Variants in CTPS2 observed in about 807,000 individuals in gnomAD.
The protein encoded by CTPS2 is CTP synthase II.
Under a neutral mutation model 46.8 loss-of-function variants are expected in CTPS2, and 19 were observed. The observed-to-expected ratio is 0.41, with a 90% CI of 0.28 to 0.60. The LOEUF is 0.60. CTPS2 is among the 20% of genes least tolerant of loss of function. The pLI, the probability that CTPS2 is intolerant of heterozygous loss-of-function variation, is 0.35. For missense variants in CTPS2, 286 were observed against 447.6 expected (o/e 0.64, Z 3.26); for synonymous variants, 151 against 165.2 (o/e 0.91, Z 0.66).
chrX:16,667,489 C>T (rs371361303), intron 13 of CTPS2, 25 bp downstream of exon 13: 5 of 1,206,155 alleles, frequency 4.1e-6, no homozygotes, highest in Non-Finnish European at 3.4e-6. Context: ...ATGACTGGAC[C>T]CAGAAAGATA....
intron 13 of CTPS2, among the ~76,000 whole-genome samples, chrX:16,648,384 A>T (rs1467814544): frequency 8.9e-6 from 1 of 111,837 alleles, no homozygotes; most frequent in Non-Finnish European, 1.9e-5. Flanking sequence ...AGAGAAAGCA[A>T]ATGTGGAGAT....
At chrX:16,658,957 T>A (rs904206211) in intron 13 of CTPS2, among the ~76,000 whole-genome samples, 1 of 112,408 alleles carries the variant, frequency 8.9e-6, no homozygotes, top group African/African-American at 3.2e-5. Flanking sequence ...TGTGTTAATT[T>A]AATTCCCAGG....
Position 16,639,131 on chromosome X carries a change from A to C in CTPS2, c.1393+16T>G, listed in dbSNP as rs753067585. The C allele has an allele frequency of 2.6e-6, 3 of 1,145,470 alleles. No homozygotes were observed. In the Admixed American group the frequency reaches 6.5e-5, roughly 25 times the overall value. 94.4% of individuals were successfully genotyped at this position (1,145,470 alleles called of 1,213,427 possible). ...ACATCCAACATCTTGTAAAATAAAC[A>C]ATATGGGAAACTTACTTAATATTGA... On this transcript the variant is annotated intron_variant, in intron 14 of 18. Coordinates refer to ENST00000359276, the MANE Select transcript of CTPS2 (RefSeq NM_175859.3).
intron 14 of CTPS2, among the ~76,000 whole-genome samples, chrX:16,635,721 A>T (rs750631945): frequency 1.7e-4 from 19 of 112,292 alleles, no homozygotes; most frequent in African/African-American, 6.1e-4. Flanking sequence ...ATATGTTTTG[A>T]TATTTGTATG....
intron 10 of CTPS2, among the ~76,000 whole-genome samples, chrX:16,674,022 G>A (rs1921995820): frequency 8.9e-6 from 1 of 111,806 alleles, no homozygotes; most frequent in Non-Finnish European, 1.9e-5. Context: ...ATCTGTAATT[G>A]AGACTACTGA....
intron 13 of CTPS2, 137 bp downstream of exon 13, chrX:16,667,377 G>A (rs1277967912): frequency 6.6e-6 from 4 of 603,883 alleles, no homozygotes; most frequent in Non-Finnish European, 1.1e-5. Context: ...CAAGTGATCC[G>A]CCCGCCTTGA....
Position 16,589,304 on chromosome X carries a change from C to A in CTPS2, c.*513G>T, listed in dbSNP as rs1017621307. On this transcript the variant is annotated 3_prime_UTR_variant, in exon 19 of 19. Transcript: ENST00000359276. ...TACTTGCCACCCCCAAGTCTTGGACCTATTCAATTTTACTTTTACCAGGAA... is the reference window on the plus strand; with the variant it reads ...TACTTGCCACCCCCAAGTCTTGGACATATTCAATTTTACTTTTACCAGGAA... The A allele has an allele frequency of 8.9e-6, 1 of 111,952 alleles. No individual in the cohort carries two copies. Among genetic ancestry groups the A allele is most frequent in the African/African-American group, 3.2e-5 (1 of 30,830 alleles). The allele number at this position is 111,952 out of a possible 1,213,427, so 9.2% of individuals were successfully genotyped here.
intron 1 of CTPS2, among the ~76,000 whole-genome samples, chrX:16,709,332 G>T (rs1602304731): frequency 9.2e-6 from 1 of 108,705 alleles, no homozygotes; most frequent in East Asian, 2.9e-4. Context: ...GGAGGCTGAG[G>T]CACGAGAATT....
intron 4 of CTPS2, among the ~76,000 whole-genome samples, chrX:16,697,947 A>G (rs1279785865): frequency 9.0e-6 from 1 of 111,464 alleles, no homozygotes; most frequent in East Asian, 2.8e-4. Context: ...AGGCCCCGGC[A>G]CAGAAGAGGC....
chrX:16,702,140 C>T (rs1195300705), intron 2 of CTPS2, among the ~76,000 whole-genome samples: 3 of 110,721 alleles, frequency 2.7e-5, no homozygotes, highest in South Asian at 3.8e-4. Flanking sequence ...CTGCAACCTC[C>T]GCCTGCCAGG....
At chrX:16,624,832 C>G (rs777536410) in intron 14 of CTPS2, among the ~76,000 whole-genome samples, 8 of 111,816 alleles carry the variant, frequency 7.2e-5, no homozygotes, top group Admixed American at 6.7e-4. Flanking sequence ...AGAAAGAAAA[C>G]CAACAAAAGT....
intron 16 of CTPS2, among the ~76,000 whole-genome samples, chrX:16,616,885 G>A (rs1930556892): frequency 9.0e-6 from 1 of 111,144 alleles, no homozygotes; most frequent in African/African-American, 3.3e-5. Flanking sequence ...AGTAGAGATG[G>A]GGTTTCACCA....
intron 1 of CTPS2, among the ~76,000 whole-genome samples, chrX:16,705,230 T>A (rs1183364746): frequency 9.0e-6 from 1 of 111,473 alleles, no homozygotes; most frequent in Non-Finnish European, 1.9e-5. Flanking sequence ...AAATAAAAAA[T>A]AAAAACTGTT....
chrX:16,652,011 A>G (rs1012426237), intron 13 of CTPS2, among the ~76,000 whole-genome samples: 8 of 105,567 alleles, frequency 7.6e-5, no homozygotes, highest in Non-Finnish European at 1.2e-4. Flanking sequence ...ATGACCATAG[A>G]GCAGGATGGG....
chrX:16,631,639 C>A (rs113623355), intron 14 of CTPS2, among the ~76,000 whole-genome samples: 1,459 of 112,335 alleles, frequency 0.013, 20 homozygotes, highest in African/African-American at 0.044. Context: ...TTCTTTCTAG[C>A]AGGTGGCAGT....
chrX:16,641,084 G>A (rs1932056758), intron 13 of CTPS2, among the ~76,000 whole-genome samples: 1 of 111,804 alleles, frequency 8.9e-6, no homozygotes, highest in Admixed American at 9.5e-5. Flanking sequence ...ACTGGAGTGA[G>A]GTGAGATAGG....
intron 1 of CTPS2, among the ~76,000 whole-genome samples, chrX:16,707,280 G>C (rs972230444): frequency 9.0e-6 from 1 of 111,420 alleles, no homozygotes; most frequent in African/African-American, 3.3e-5. Context: ...ATTTCACCAT[G>C]TATGTGAAAG....
intron 9 of CTPS2, among the ~76,000 whole-genome samples, chrX:16,679,081 G>A (rs932216165): frequency 3.6e-5 from 4 of 110,937 alleles, no homozygotes; most frequent in African/African-American, 1.3e-4. Flanking sequence ...CAGCAGGCCG[G>A]GCGCATTGGC....
intron 1 of CTPS2, among the ~76,000 whole-genome samples, chrX:16,707,488 T>C (rs1925113343): frequency 9.0e-6 from 1 of 111,576 alleles, no homozygotes; most frequent in African/African-American, 3.3e-5. Flanking sequence ...CTGGTCAACA[T>C]AGTGAGACTC....
Sources: allele counts gnomAD v4.1 joint callset (sites outside exome capture counted in the v4.1 genomes callset), GRCh38; gene constraint gnomAD v4.1.1; transcripts MANE v1.5; gene names NCBI Gene and HGNC (gene_info 2026-07-23, HGNC 2026-07-21).